Variants in HTR4 observed in about 807,000 individuals in gnomAD.
HTR4 encodes 5-hydroxytryptamine (serotonin) receptor 4, G protein-coupled.
Under a neutral mutation model 36.8 loss-of-function variants are expected in HTR4, and 16 were observed. The ratio of observed to expected loss-of-function variants is 0.43; its 90% CI spans 0.29 to 0.66. The LOEUF is 0.66. HTR4 is among the 30% of genes least tolerant of loss of function. The pLI, the probability that HTR4 is intolerant of heterozygous loss-of-function variation, is 0.13. For synonymous variants in HTR4, 189 were observed against 185.1 expected (o/e 1.02, Z -0.17); for missense variants, 438 against 490.9 (o/e 0.89, Z 1.02).
At chr5:148,462,807 C>A (rs76813271) in intron 5 of HTR4, among the ~76,000 whole-genome samples, 2,818 of 152,014 alleles carry the variant, frequency 0.019, 94 homozygotes, top group African/African-American at 0.064. Flanking sequence ...ACAGAATTGC[C>A]CACCCAACTA....
At chr5:148,530,430 T>C (rs1758503101) in intron 4 of HTR4, among the ~76,000 whole-genome samples, 3 of 152,160 alleles carry the variant, frequency 2.0e-5, no homozygotes, top group Admixed American at 1.3e-4. Flanking sequence ...AACATAGAGC[T>C]CAGGCCATAG....
chr5:148,554,062 GTTTGTT>G (rs1448950370), intron 2 of HTR4, among the ~76,000 whole-genome samples: 2 of 151,960 alleles, frequency 1.3e-5, no homozygotes, highest in Non-Finnish European at 2.9e-5. Flanking sequence ...AAGGAATAAA[GTTTGTT>G]GTTGTTGTTG....
intron 2 of HTR4, among the ~76,000 whole-genome samples, chr5:148,626,120 C>T (rs1753094128): frequency 6.6e-6 from 1 of 152,144 alleles, no homozygotes; most frequent in South Asian, 2.1e-4. Context: ...CTGGGTGATT[C>T]TAGGCCATCA....
intron 4 of HTR4, among the ~76,000 whole-genome samples, chr5:148,534,201 G>C (rs1284493946): frequency 6.6e-6 from 1 of 152,148 alleles, no homozygotes; most frequent in Non-Finnish European, 1.5e-5. Context: ...TGGGTTCCCT[G>C]GCCACCTCTT....
downstream of HTR4, among the ~76,000 whole-genome samples, chr5:148,473,085 G>A (rs981516009): frequency 1.3e-5 from 2 of 152,002 alleles, no homozygotes; most frequent in Non-Finnish European, 2.9e-5. Flanking sequence ...GGATCACAAG[G>A]CCAGGAGATT....
intron 5 of HTR4, among the ~76,000 whole-genome samples, chr5:148,514,720 A>T (rs1196075363): frequency 6.6e-6 from 1 of 152,126 alleles, no homozygotes; most frequent in Non-Finnish European, 1.5e-5. Flanking sequence ...TGTTTTATAG[A>T]CTATTATAAG....
At chr5:148,461,747 A>T (rs1274662969) in intron 5 of HTR4, 1 of 152,046 alleles carries the variant, frequency 6.6e-6, no homozygotes, top group Non-Finnish European at 1.5e-5. Flanking sequence ...ATTGAACTCA[A>T]CAGTACTATG....
chr5:148,542,740 G>A (rs1262246180), intron 4 of HTR4, among the ~76,000 whole-genome samples: 1 of 152,150 alleles, frequency 6.6e-6, no homozygotes, highest in Non-Finnish European at 1.5e-5. Flanking sequence ...GAAAAGTATG[G>A]CTTATGAGGC....
intron 6 of HTR4, among the ~76,000 whole-genome samples, chr5:148,489,619 G>T (rs999121416): frequency 1.3e-5 from 2 of 152,186 alleles, no homozygotes; most frequent in African/African-American, 4.8e-5. Flanking sequence ...AGGCTGGAAA[G>T]TGAGACAGCA....
intron 6 of HTR4, among the ~76,000 whole-genome samples, chr5:148,488,482 G>T (rs1389579082): frequency 6.6e-6 from 1 of 152,058 alleles, no homozygotes; most frequent in Non-Finnish European, 1.5e-5. Context: ...ATATAGTTTT[G>T]CATTTAAGGT....
chr5:148,532,119 C>G (rs181535958), intron 4 of HTR4, among the ~76,000 whole-genome samples: 1 of 152,120 alleles, frequency 6.6e-6, no homozygotes, highest in Admixed American at 6.6e-5. Context: ...TATAACATGT[C>G]GTTATCTCTT....
chr5:148,496,915 T>C (rs983335611), intron 6 of HTR4, among the ~76,000 whole-genome samples: 39 of 152,224 alleles, frequency 2.6e-4, no homozygotes, highest in African/African-American at 9.4e-4. Context: ...AAATGCTCAA[T>C]ACATAGTTCC....
At chr5:148,649,828 A>G (rs897309498) in intron 1 of HTR4, among the ~76,000 whole-genome samples, 1 of 152,180 alleles carries the variant, frequency 6.6e-6, no homozygotes, top group Non-Finnish European at 1.5e-5. Flanking sequence ...TTAAAATCAG[A>G]TATATTTTCA....
chr5:148,573,943 C>T (rs1433778063), intron 2 of HTR4, among the ~76,000 whole-genome samples: 1 of 152,046 alleles, frequency 6.6e-6, no homozygotes, highest in East Asian at 1.9e-4. Flanking sequence ...TTATGGAATA[C>T]TTTGCTAAGT....
At chr5:148,572,125 G>C (rs931086274) in intron 2 of HTR4, among the ~76,000 whole-genome samples, 6 of 152,016 alleles carry the variant, frequency 3.9e-5, no homozygotes, top group Non-Finnish European at 5.9e-5. Context: ...ATATAATAAG[G>C]GTATCCCCTT....
chr5:148,630,451 C>T (rs1753282945), intron 2 of HTR4: 1 of 152,108 alleles, frequency 6.6e-6, no homozygotes, highest in Non-Finnish European at 1.5e-5. Flanking sequence ...GTATAGAAGA[C>T]CAGTGGTTTC....
At chr5:148,472,682 C>A (rs928093224), downstream of HTR4, among the ~76,000 whole-genome samples, 2 of 152,084 alleles carry the variant, frequency 1.3e-5, no homozygotes, top group Non-Finnish European at 2.9e-5. Flanking sequence ...AGTCAATGAA[C>A]TTGGCCTTGG....
chr5:148,455,921 G>A (rs1051389019), intron 5 of HTR4, among the ~76,000 whole-genome samples: 4 of 152,092 alleles, frequency 2.6e-5, no homozygotes, highest in African/African-American at 4.8e-5. Context: ...TGAGGAGGCT[G>A]AGGAGGAGGA....
chr5:148,517,417 G>C (rs1757808427), intron 5 of HTR4, among the ~76,000 whole-genome samples: 1 of 151,618 alleles, frequency 6.6e-6, no homozygotes, highest in South Asian at 2.1e-4. Context: ...TGCAGAATTT[G>C]ATATCAAGCT....
Sources: gnomAD v4.1 joint callset for allele counts (sites outside exome capture counted in the v4.1 genomes callset) on GRCh38, gnomAD v4.1.1 for gene constraint, MANE v1.5 for transcripts, NCBI Gene and HGNC (gene_info 2026-07-23, HGNC 2026-07-21) for gene names.